DCC: variants seen among roughly 807,000 people sequenced by gnomAD.
DCC encodes the protein DCC netrin 1 receptor, also known as netrin receptor DCC.
DCC carries 58 observed loss-of-function variants against 172.5 expected under a neutral mutation model. That is an observed-to-expected ratio of 0.34 (90% confidence interval 0.27 to 0.42). DCC has a LOEUF of 0.42. Ranked by LOEUF, DCC falls within the 10% of genes least tolerant of loss-of-function variation. The probability of loss-of-function intolerance (pLI) is 1.00; values close to 1 mark genes in which losing one functional copy is unlikely to be tolerated. For synonymous variants in DCC, 709 were observed against 644.5 expected, an observed-to-expected ratio of 1.10 and a Z score of -1.52; for missense variants, 1,740 against 1,791.0, an observed-to-expected ratio of 0.97 and a Z score of 0.51.
chr18:52,452,196 A>G (rs569216012), intron 1 of DCC, among the ~76,000 whole-genome samples: 1 of 152,192 alleles, frequency 6.6e-6, no homozygotes, highest in Admixed American at 6.5e-5. Flanking sequence ...AAATAGATCA[A>G]TGTTTTAAAG....
chr18:52,486,656 A>G (rs866492672), intron 1 of DCC, among the ~76,000 whole-genome samples: 57 of 152,260 alleles, frequency 3.7e-4, no homozygotes, highest in African/African-American at 1.3e-3. Flanking sequence ...TTTCATCGCC[A>G]TGTTTTACTC....
chr18:52,718,333 A>G (rs1329956485), intron 1 of DCC, among the ~76,000 whole-genome samples: 1 of 152,238 alleles, frequency 6.6e-6, no homozygotes, highest in Non-Finnish European at 1.5e-5. Flanking sequence ...AGATAATTGA[A>G]TAAAATTATG....
chr18:52,929,032 C>T (rs1360811935), intron 5 of DCC, among the ~76,000 whole-genome samples: 1 of 152,052 alleles, frequency 6.6e-6, no homozygotes, highest in Non-Finnish European at 1.5e-5. Context: ...GTCATGTATC[C>T]TGATCCAGGC....
At chr18:53,142,010 G>T (rs540022150) in intron 7 of DCC, among the ~76,000 whole-genome samples, 2 of 152,216 alleles carry the variant, frequency 1.3e-5, no homozygotes, top group African/African-American at 2.4e-5. Context: ...CTTGTGATTC[G>T]CTTAGTCCAT....
chr18:52,938,711 A>C (rs2040417852), intron 5 of DCC, among the ~76,000 whole-genome samples: 1 of 152,180 alleles, frequency 6.6e-6, no homozygotes, highest in African/African-American at 2.4e-5. Context: ...GATTTGGTTT[A>C]ATGAATATGG....
At chr18:53,340,513 TTC>T (rs1433772246) in intron 15 of DCC, among the ~76,000 whole-genome samples, 2 of 152,138 alleles carry the variant, frequency 1.3e-5, no homozygotes, top group African/African-American at 4.8e-5. Flanking sequence ...CCAATCTAGG[TTC>T]TCTTATTGTA....
At chr18:53,388,553 C>T (rs935528970) in intron 16 of DCC, among the ~76,000 whole-genome samples, 1 of 152,216 alleles carries the variant, frequency 6.6e-6, no homozygotes, top group Non-Finnish European at 1.5e-5. Flanking sequence ...CTGGGAATAT[C>T]AGCATTAGAG....
At chr18:53,467,793 G>A (rs1432255192) in intron 24 of DCC, 101 bp from the exon 25 acceptor site, 7 of 771,832 alleles carry the variant, frequency 9.1e-6, no homozygotes, top group Non-Finnish European at 1.7e-5. Flanking sequence ...ATCATAGAAA[G>A]CATCTGTAAG....
intron 15 of DCC, among the ~76,000 whole-genome samples, chr18:53,342,293 T>C (rs1158784560): frequency 6.6e-6 from 1 of 152,028 alleles, no homozygotes; most frequent in Admixed American, 6.5e-5. Flanking sequence ...GCTATAGGCA[T>C]AGAGCTTCAT....
chr18:52,566,826 A>G (rs1478722399), intron 1 of DCC, among the ~76,000 whole-genome samples: 1 of 151,966 alleles, frequency 6.6e-6, no homozygotes, highest in African/African-American at 2.4e-5. Flanking sequence ...TGGGCTTGCC[A>G]TTAATACGCT....
At chr18:52,828,429 A>G (rs2038551912) in intron 2 of DCC, among the ~76,000 whole-genome samples, 1 of 152,062 alleles carries the variant, frequency 6.6e-6, no homozygotes, top group Non-Finnish European at 1.5e-5. Flanking sequence ...GATGAAAAAT[A>G]TCATAGTAGG....
intron 2 of DCC, among the ~76,000 whole-genome samples, chr18:52,783,849 A>G (rs74650785): frequency 0.053 from 8,029 of 152,084 alleles, 283 homozygotes; most frequent in South Asian, 0.16. Context: ...TGGGGTACAT[A>G]TCATATTTTG....
intron 2 of DCC, among the ~76,000 whole-genome samples, chr18:52,823,070 G>A (rs759360745): frequency 2.6e-5 from 4 of 152,142 alleles, no homozygotes; most frequent in African/African-American, 4.8e-5. Flanking sequence ...GAGCGAAAAC[G>A]TGTAAACCCT....
At chr18:52,679,493 CT>C (rs1452600290) in intron 1 of DCC, among the ~76,000 whole-genome samples, 1 of 152,132 alleles carries the variant, frequency 6.6e-6, no homozygotes, top group Admixed American at 6.6e-5. Context: ...TAGCCCCCAT[CT>C]TTGTAATGCC....
At chr18:53,142,440 C>A (rs529321332) in intron 7 of DCC, among the ~76,000 whole-genome samples, 2 of 152,172 alleles carry the variant, frequency 1.3e-5, no homozygotes, top group Admixed American at 6.5e-5. Flanking sequence ...TAAATAAGTT[C>A]TTTACTCAGA....
intron 12 of DCC, among the ~76,000 whole-genome samples, chr18:53,229,997 C>A (rs1399382994): frequency 6.6e-6 from 1 of 152,074 alleles, no homozygotes; most frequent in African/African-American, 2.4e-5. Flanking sequence ...TCTTGTTTTG[C>A]AAGCTCCTTT....
intron 24 of DCC, among the ~76,000 whole-genome samples, chr18:53,464,692 A>G (rs1029272965): frequency 2.6e-5 from 4 of 151,890 alleles, no homozygotes; most frequent in Admixed American, 6.6e-5. Context: ...TTTGAAAACT[A>G]TGTTACCACC....
intron 15 of DCC, among the ~76,000 whole-genome samples, chr18:53,345,878 C>T (rs2057718412): frequency 6.6e-6 from 1 of 151,864 alleles, no homozygotes; most frequent in East Asian, 1.9e-4. Context: ...TGTAATTATA[C>T]ATATGGTTGA....
intron 5 of DCC, among the ~76,000 whole-genome samples, chr18:53,022,988 T>C (rs2041902420): frequency 1.3e-5 from 2 of 152,224 alleles, no homozygotes; most frequent in Non-Finnish European, 2.9e-5. Flanking sequence ...ACCACACAAA[T>C]AGGTTAACGC....
Sources: allele counts gnomAD v4.1 joint callset (sites outside exome capture counted in the v4.1 genomes callset), GRCh38; gene constraint gnomAD v4.1.1; transcripts MANE v1.5; gene names NCBI Gene and HGNC (gene_info 2026-07-23, HGNC 2026-07-21).